The following DNAH7 variants were observed in gnomAD, a reference collection of about 807,000 sequenced individuals.
DNAH7 encodes the protein dynein axonemal heavy chain 7.
DNAH7 carries 397 observed loss-of-function variants against 444.6 expected under a neutral mutation model. That is an observed-to-expected ratio of 0.89 (90% CI 0.82 to 0.97). The LOEUF (loss-of-function observed/expected upper bound fraction) is 0.97. DNAH7 is among the 50% of genes least tolerant of loss of function. The probability of loss-of-function intolerance (pLI) is 0.00; values close to 1 mark genes in which losing one functional copy is unlikely to be tolerated. For missense variants in DNAH7, 4,902 were observed against 4,800.8 expected (o/e 1.02, Z -0.62); for synonymous variants, 1,636 against 1,624.4 (o/e 1.01, Z -0.17).
At chr2:195,931,124 T>A (rs971880429) in intron 21 of DNAH7, among the ~76,000 whole-genome samples, 1 of 152,064 alleles carries the variant, frequency 6.6e-6, no homozygotes, top group African/African-American at 2.4e-5. Context: ...TCCCCAAACC[T>A]CAGAATCACA....
chr2:195,757,169 T>C (rs1449139592), intron 61 of DNAH7, among the ~76,000 whole-genome samples: 1 of 152,216 alleles, frequency 6.6e-6, no homozygotes, highest in Non-Finnish European at 1.5e-5. Context: ...TAATCAATAC[T>C]TGGCTACTCG....
intron 63 of DNAH7, among the ~76,000 whole-genome samples, chr2:195,748,964 A>T (rs1693611625): frequency 6.6e-6 from 1 of 151,778 alleles, no homozygotes; most frequent in Admixed American, 6.5e-5. Flanking sequence ...AGCAATGGCA[A>T]CAAAGCCAAA....
rs776996391 is a variant in DNAH7, at chr2:195,853,399, G to A, written c.8725C>T (p.Leu2909Phe). 11 of 1,613,944 alleles carry A rather than the reference G, an allele frequency of 6.8e-6. No individual in the cohort carries two copies. Among genetic ancestry groups the A allele is most frequent in the Non-Finnish European group, 9.3e-6 (11 of 1,179,976 alleles). Residue 2909 changes from leucine to phenylalanine, a missense_variant, in exon 46 of 65, where the codon CTC becomes TTC. Leu to Phe is a conservative substitution (Grantham distance 22). Transcript: ENST00000312428. ...QLYINLTGDI[L>F]ISSGVVAYLG... ...TAAGCAACCACTCCGGAGGAAATGA[G>A]GATATCCCCAGTCAAGTTGATGTAC...
At chr2:195,798,583 G>C (rs1026016632) in intron 55 of DNAH7, among the ~76,000 whole-genome samples, 1 of 124,392 alleles carries the variant, frequency 8.0e-6, no homozygotes, top group Non-Finnish European at 1.6e-5. Context: ...TCACTCTGTC[G>C]CCCAGGCTGG....
At chr2:196,056,092 C>A (rs1390715517) in intron 2 of DNAH7, among the ~76,000 whole-genome samples, 1 of 152,212 alleles carries the variant, frequency 6.6e-6, no homozygotes, top group African/African-American at 2.4e-5. Context: ...GCTGGCCTCA[C>A]CTTGGATTCC....
At chr2:196,036,606 G>A (rs1292711472) in intron 5 of DNAH7, among the ~76,000 whole-genome samples, 1 of 152,150 alleles carries the variant, frequency 6.6e-6, no homozygotes, top group East Asian at 1.9e-4. Context: ...GGGACACTGT[G>A]TGTCCCACCT....
At chr2:195,871,695 T>C (rs967601037) in intron 40 of DNAH7, among the ~76,000 whole-genome samples, 1 of 151,528 alleles carries the variant, frequency 6.6e-6, no homozygotes, top group African/African-American at 2.4e-5. Flanking sequence ...ATTAAACTAC[T>C]TAAGGGAAGG....
intron 23 of DNAH7, among the ~76,000 whole-genome samples, chr2:195,922,766 G>T (rs1307316277): frequency 3.3e-5 from 5 of 152,090 alleles, no homozygotes; most frequent in African/African-American, 1.2e-4. Context: ...AACTGTTCCT[G>T]CCCTGTTTGC....
chr2:195,972,644 GACA>G (rs1691924847), intron 15 of DNAH7, among the ~76,000 whole-genome samples, 178 bp from the exon 16 acceptor site: 1 of 151,772 alleles, frequency 6.6e-6, no homozygotes, highest in Non-Finnish European at 1.5e-5. Context: ...TCACTAAAAT[GACA>G]ACAACAAAAA....
rs779743238 is a variant in DNAH7 at position 195,875,809 on chromosome 2, C to A, written c.6152G>T (p.Arg2051Leu). 5 of 1,610,540 alleles carry A rather than the reference C, an allele frequency of 3.1e-6. No individual in the cohort carries two copies. The highest frequency in any genetic ancestry group is 2.7e-5 in the African/African-American group (2 of 74,834). The change falls in exon 38 of 65, where the codon CGG becomes CTG. Residue 2051 changes from arginine (R) to leucine (L), a missense_variant. Arg to Leu is a moderately radical substitution (Grantham distance 102). Coordinates refer to ENST00000312428, the MANE Select transcript of DNAH7 (RefSeq NM_018897.3). ...VFVDDVNMPA[R>L]EVYGAQPPIE... ...GGGAGGTTGAGCCCCATATACCTCCCGAGCAGGCATATTGACATCATCTAC... is the reference window on the plus strand; with the variant it reads ...GGGAGGTTGAGCCCCATATACCTCCAGAGCAGGCATATTGACATCATCTAC...
chr2:195,757,969 G>A (rs1013141895), intron 61 of DNAH7, among the ~76,000 whole-genome samples: 3 of 152,188 alleles, frequency 2.0e-5, no homozygotes, highest in Admixed American at 6.5e-5. Flanking sequence ...GGCAGGCCCC[G>A]TTAGGGCCAA....
chr2:195,880,233 C>A (rs973521284), intron 36 of DNAH7, among the ~76,000 whole-genome samples: 1 of 152,020 alleles, frequency 6.6e-6, no homozygotes, highest in African/African-American at 2.4e-5. Context: ...AATTCCATGT[C>A]CAGGAATCTT....
At position 195,881,682 on chromosome 2, in the gene DNAH7, A is replaced by T. The variant is rs568207835; in HGVS notation, c.5961+113T>A. 5 of 1,113,700 alleles carry T rather than the reference A, an allele frequency of 4.5e-6. No individual in the cohort carries two copies. The East Asian group carries it at 1.3e-4, about 28-fold the overall frequency. The allele number at this position is 1,113,700 out of a possible 1,614,324, so 69.0% of individuals were successfully genotyped here. ...TGGCAATTTTTCAAAAATTCTCTGC[A>T]GTTCAAACATCAAAGTACTTGAGTA... On this transcript the variant is annotated intron_variant, in intron 36 of 64. Coordinates refer to ENST00000312428, the MANE Select transcript of DNAH7 (RefSeq NM_018897.3).
At chr2:195,930,094 C>T (rs1688590501) in intron 21 of DNAH7, among the ~76,000 whole-genome samples, 1 of 151,956 alleles carries the variant, frequency 6.6e-6, no homozygotes, top group South Asian at 2.1e-4. Flanking sequence ...CCTGTAATCC[C>T]AGAACTTTGG....
At chr2:195,908,229 A>G (rs1415521853) in intron 25 of DNAH7, among the ~76,000 whole-genome samples, 1 of 151,934 alleles carries the variant, frequency 6.6e-6, no homozygotes, top group Non-Finnish European at 1.5e-5. Flanking sequence ...TCTTTCATTT[A>G]TATATTTTTA....
At chr2:195,755,310 C>A (rs973484228) in intron 62 of DNAH7, among the ~76,000 whole-genome samples, 36 of 152,096 alleles carry the variant, frequency 2.4e-4, no homozygotes, top group Non-Finnish European at 4.9e-4. Context: ...CTGGAAGAAG[C>A]AGGGTAGTGA....
intron 54 of DNAH7, among the ~76,000 whole-genome samples, chr2:195,800,644 T>C (rs6720901): frequency 0.47 from 72,123 of 151,994 alleles, 18,535 homozygotes; most frequent in Non-Finnish European, 0.59. Flanking sequence ...GCAGGAGACA[T>C]TGTCGCCTGG....
intron 58 of DNAH7, among the ~76,000 whole-genome samples, chr2:195,782,321 A>G (rs1369418573): frequency 6.6e-6 from 1 of 152,198 alleles, no homozygotes; most frequent in African/African-American, 2.4e-5. Context: ...CTCATGATGA[A>G]GTATACATGA....
chr2:195,948,683 C>T (rs528808722), intron 19 of DNAH7, among the ~76,000 whole-genome samples: 33 of 152,086 alleles, frequency 2.2e-4, no homozygotes, highest in East Asian at 3.8e-4. Flanking sequence ...CATGCTGTTT[C>T]GGTTACTGTA....
Sources: gnomAD v4.1 joint callset for allele counts (sites outside exome capture counted in the v4.1 genomes callset) on GRCh38, gnomAD v4.1.1 for gene constraint, MANE v1.5 for transcripts, NCBI Gene and HGNC (gene_info 2026-07-23, HGNC 2026-07-21) for gene names.